The following TRHDE variants were observed in gnomAD, a reference collection of about 807,000 sequenced individuals.
TRHDE encodes the protein thyrotropin-releasing hormone-degrading ectoenzyme.
TRHDE carries 72 observed loss-of-function variants against 125.7 expected under a neutral mutation model. The ratio of observed to expected loss-of-function variants is 0.57; its 90% CI spans 0.47 to 0.70. The LOEUF is 0.70. Ranked by LOEUF, TRHDE falls within the 30% of genes least tolerant of loss-of-function variation. TRHDE has a pLI of 0.00. For synonymous variants in TRHDE, 509 were observed against 509.1 expected, an observed-to-expected ratio of 1.00 and a Z score of 0.00; for missense variants, 1,110 against 1,327.1, an observed-to-expected ratio of 0.84 and a Z score of 2.54.
chr12:72,150,488 G>A (rs996535603), intron 2 of TRHDE, among the ~76,000 whole-genome samples: 3 of 150,930 alleles, frequency 2.0e-5, no homozygotes, highest in African/African-American at 7.3e-5. Context: ...ATGTTGGTGT[G>A]CTGCACCCAT....
At chr12:72,290,426 T>A (rs1271359643) in intron 2 of TRHDE, among the ~76,000 whole-genome samples, 2 of 152,248 alleles carry the variant, frequency 1.3e-5, no homozygotes, top group Admixed American at 1.3e-4. Flanking sequence ...AGTATGAATT[T>A]TTCCTTTACA....
chr12:72,544,483 T>C (rs1308221158), intron 7 of TRHDE, among the ~76,000 whole-genome samples: 2 of 151,596 alleles, frequency 1.3e-5, no homozygotes, highest in Non-Finnish European at 3.0e-5. Context: ...GTTTACTACT[T>C]GCAATTCCAA....
At chr12:72,229,731 A>AT (rs1243100157) in intron 2 of TRHDE, among the ~76,000 whole-genome samples, 36 of 152,336 alleles carry the variant, frequency 2.4e-4, no homozygotes, top group African/African-American at 7.9e-4. Flanking sequence ...TTATACCGAT[A>AT]CATAGCTTGA....
At chr12:72,575,774 G>A (rs528735985) in intron 12 of TRHDE, among the ~76,000 whole-genome samples, 3 of 152,140 alleles carry the variant, frequency 2.0e-5, no homozygotes, top group South Asian at 2.1e-4. Context: ...CCACAAGGTC[G>A]ATTTAACACT....
chr12:72,206,668 A>G (rs116674354), intron 2 of TRHDE, among the ~76,000 whole-genome samples: 179 of 152,190 alleles, frequency 1.2e-3, no homozygotes, highest in African/African-American at 4.0e-3. Flanking sequence ...TTTCATTATT[A>G]TCCCTTTTCC....
At chr12:72,295,791 A>ATT (rs11375680) in intron 2 of TRHDE, among the ~76,000 whole-genome samples, 31 of 151,040 alleles carry the variant, frequency 2.1e-4, no homozygotes, top group Admixed American at 4.0e-4. Flanking sequence ...CATGTATTCT[A>ATT]TTTTTTTTTT....
chr12:72,249,320 A>G (rs1878634778), intron 2 of TRHDE, among the ~76,000 whole-genome samples: 1 of 152,336 alleles, frequency 6.6e-6, no homozygotes, highest in East Asian at 1.9e-4. Flanking sequence ...TATCCATAAT[A>G]TATAAACTCA....
In TRHDE at chr12:72,578,768, C is replaced by T. The variant is rs534271321; in HGVS notation, c.2321+3226C>T. 5.3e-5 allele frequency among the ~76,000 whole-genome samples: 8 copies of T among 152,234 alleles called. No homozygotes were observed. The South Asian group carries it at 1.5e-3, about 28-fold the overall frequency. ...TGCCACGACTTGTTGTGAGATTAAG[C>T]AAACTTGCTCTAGTCATTCTTTATT... On this transcript the variant is annotated intron_variant, in intron 12 of 18. Transcript: ENST00000261180.
At chr12:72,146,774 C>G (rs1173318453) in intron 2 of TRHDE, among the ~76,000 whole-genome samples, 1 of 152,214 alleles carries the variant, frequency 6.6e-6, no homozygotes, top group Non-Finnish European at 1.5e-5. Flanking sequence ...TGCCTTATTG[C>G]AAGGGCAGAG....
At chr12:72,320,787 AT>A (rs776987303) in intron 2 of TRHDE, among the ~76,000 whole-genome samples, 3 of 152,158 alleles carry the variant, frequency 2.0e-5, no homozygotes, top group Non-Finnish European at 4.4e-5. Context: ...AGAAGATTGG[AT>A]TTCACCTTTC....
At chr12:72,099,115 G>A (rs930115685) in intron 1 of TRHDE, among the ~76,000 whole-genome samples, 2 of 151,696 alleles carry the variant, frequency 1.3e-5, no homozygotes, top group African/African-American at 4.8e-5. Flanking sequence ...CAGTGAGCCA[G>A]ATCACGCCAC....
At chr12:72,156,213 C>T (rs927736554) in intron 2 of TRHDE, among the ~76,000 whole-genome samples, 2 of 152,312 alleles carry the variant, frequency 1.3e-5, no homozygotes, top group Admixed American at 6.5e-5. Flanking sequence ...GATACAATCT[C>T]CTGGTGTGCC....
chr12:72,666,267 G>A lies in TRHDE; in HGVS notation c.*3072G>A, dbSNP rs1239127922. The A allele has an allele frequency of 2.0e-5, 3 of 152,066 alleles. No individual in the cohort carries two copies. The highest frequency in any genetic ancestry group is 4.4e-5 in the Non-Finnish European group (3 of 68,040). 9.4% of individuals were successfully genotyped at this position (152,066 alleles called of 1,614,324 possible). The stretch of plus-strand genomic sequence containing the variant: ...TGAGCTATTTAAAACTACAAAATAG[G>A]GCTGGGCACAGTGGCTCATGCCTGT... On this transcript the variant is annotated 3_prime_UTR_variant, in exon 19 of 19. Coordinates refer to ENST00000261180, the MANE Select transcript of TRHDE (RefSeq NM_013381.3).
intron 6 of TRHDE, among the ~76,000 whole-genome samples, chr12:72,539,704 T>G (rs929637343): frequency 3.9e-5 from 6 of 151,906 alleles, no homozygotes; most frequent in Non-Finnish European, 8.8e-5. Context: ...ATGAATGGGT[T>G]TATAAGCATA....
chr12:72,513,256 A>G (rs1878686616), intron 6 of TRHDE, among the ~76,000 whole-genome samples: 1 of 152,162 alleles, frequency 6.6e-6, no homozygotes, highest in Non-Finnish European at 1.5e-5. Flanking sequence ...AATTAAAGAC[A>G]TATATAAACC....
At chr12:72,200,307 A>G (rs1490757425) in intron 2 of TRHDE, among the ~76,000 whole-genome samples, 1 of 152,160 alleles carries the variant, frequency 6.6e-6, no homozygotes, top group Admixed American at 6.5e-5. Flanking sequence ...GTGAGATAGA[A>G]AAGATAGTGA....
At chr12:72,557,826 C>T (rs951969540) in intron 7 of TRHDE, among the ~76,000 whole-genome samples, 1 of 152,078 alleles carries the variant, frequency 6.6e-6, no homozygotes, top group African/African-American at 2.4e-5. Context: ...CAAGTATATA[C>T]TGAAATAATG....
chr12:72,475,331 T>C (rs551630965), intron 5 of TRHDE, among the ~76,000 whole-genome samples: 1 of 152,286 alleles, frequency 6.6e-6, no homozygotes, highest in African/African-American at 2.4e-5. Context: ...TTAAAAGATG[T>C]CCTTATTACA....
At chr12:72,188,003 C>G (rs1034262597) in intron 2 of TRHDE, among the ~76,000 whole-genome samples, 3 of 152,080 alleles carry the variant, frequency 2.0e-5, no homozygotes, top group Non-Finnish European at 4.4e-5. Flanking sequence ...ATAATATAAC[C>G]ATAGCAAACA....
Sources: gnomAD v4.1 joint callset for allele counts (sites outside exome capture counted in the v4.1 genomes callset) on GRCh38, gnomAD v4.1.1 for gene constraint, MANE v1.5 for transcripts, NCBI Gene and HGNC (gene_info 2026-07-23, HGNC 2026-07-21) for gene names.